Variants in NDFIP2 observed in about 807,000 individuals in gnomAD.
NDFIP2 encodes the protein NEDD4 family-interacting protein 2.
A neutral mutation model predicts 36.0 loss-of-function variants in NDFIP2; 19 were observed. The observed-to-expected ratio is 0.53, with a 90% confidence interval of 0.37 to 0.77. The LOEUF (loss-of-function observed/expected upper bound fraction) is 0.77, where lower values mean the gene tolerates loss of function less well. NDFIP2 is among the 30% of genes least tolerant of loss of function. The probability of loss-of-function intolerance (pLI) is 0.00; values close to 1 mark genes in which losing one functional copy is unlikely to be tolerated. For synonymous variants in NDFIP2, 181 were observed against 167.7 expected, an observed-to-expected ratio of 1.08 and a Z score of -0.61; for missense variants, 446 against 435.8, an observed-to-expected ratio of 1.02 and a Z score of -0.21.
chr13:79,484,300 C>A (rs968991383), intron 1 of NDFIP2, among the ~76,000 whole-genome samples: 31 of 152,138 alleles, frequency 2.0e-4, no homozygotes, highest in Admixed American at 1.9e-3. Flanking sequence ...CAGGTGTGAG[C>A]CACAGAGCCC....
chr13:79,497,593 C>T (rs144585888), intron 1 of NDFIP2, among the ~76,000 whole-genome samples: 3 of 148,822 alleles, frequency 2.0e-5, no homozygotes, highest in Non-Finnish European at 3.0e-5. Flanking sequence ...AGTTGCTCTC[C>T]GTTGGGAAGG....
chr13:79,496,999 A>C (rs1383007366), intron 1 of NDFIP2, among the ~76,000 whole-genome samples: 1 of 152,072 alleles, frequency 6.6e-6, no homozygotes, highest in Non-Finnish European at 1.5e-5. Flanking sequence ...GTTAACTATA[A>C]CCTGAATCAT....
intron 5 of NDFIP2, among the ~76,000 whole-genome samples, chr13:79,544,584 T>G (rs1225847880): frequency 6.6e-6 from 1 of 152,008 alleles, no homozygotes; most frequent in Non-Finnish European, 1.5e-5. Context: ...TACCTACACA[T>G]TTTAAATGCT....
chr13:79,545,396 C>T (rs1462800112), intron 5 of NDFIP2, among the ~76,000 whole-genome samples: 3 of 152,128 alleles, frequency 2.0e-5, no homozygotes, highest in Non-Finnish European at 4.4e-5. Flanking sequence ...AACTTAAATT[C>T]AAAGACTAGA....
intron 2 of NDFIP2, among the ~76,000 whole-genome samples, chr13:79,523,784 T>C (rs569292639): frequency 6.6e-6 from 1 of 152,344 alleles, no homozygotes; most frequent in Non-Finnish European, 1.5e-5. Context: ...CTACTATTGA[T>C]CTTCTGATGA....
intron 1 of NDFIP2, among the ~76,000 whole-genome samples, chr13:79,493,266 T>A (rs1029866504): frequency 8.5e-5 from 13 of 152,236 alleles, no homozygotes; most frequent in Admixed American, 6.5e-4. Flanking sequence ...TTATTATGTT[T>A]ATAAAGTGAT....
intron 2 of NDFIP2, among the ~76,000 whole-genome samples, chr13:79,529,936 G>C (rs1874946202): frequency 6.6e-6 from 1 of 152,180 alleles, no homozygotes; most frequent in Non-Finnish European, 1.5e-5. Context: ...GCATACAAAA[G>C]TTATGTTTAC....
chr13:79,541,541 T>A (rs980656252), intron 4 of NDFIP2, among the ~76,000 whole-genome samples: 5 of 152,020 alleles, frequency 3.3e-5, no homozygotes, highest in African/African-American at 1.2e-4. Flanking sequence ...TTTATATTTT[T>A]ACCTGTATTT....
intron 1 of NDFIP2, among the ~76,000 whole-genome samples, chr13:79,499,398 A>G (rs1209265478): frequency 6.6e-6 from 1 of 151,982 alleles, no homozygotes; most frequent in East Asian, 1.9e-4. Flanking sequence ...CAAGGAAGGA[A>G]ATAAAAGTTA....
intron 5 of NDFIP2, among the ~76,000 whole-genome samples, chr13:79,546,973 A>G (rs1296089181): frequency 6.6e-6 from 1 of 152,064 alleles, no homozygotes; most frequent in Non-Finnish European, 1.5e-5. Flanking sequence ...TATATTTTAA[A>G]GATGTAGGTG....
At position 79,505,836 on chromosome 13, in the gene NDFIP2, G is replaced by T. The variant is rs114939156; in HGVS notation, c.322-14974G>T. Among the ~76,000 whole-genome samples, 625 of 151,760 alleles carry T rather than the reference G, an allele frequency of 4.1e-3. 7 individuals carry two copies. The highest frequency in any genetic ancestry group is 0.015 in the African/African-American group (601 of 41,418). ...ATGAATCATTGTAACCTCTAAACTG[G>T]GTTTCATTAGAAAATCATCACCTTA... is the stretch of plus-strand genomic sequence containing the variant. On this transcript the variant is annotated intron_variant, in intron 1 of 7. Coordinates refer to ENST00000218652, the MANE Select transcript of NDFIP2 (RefSeq NM_019080.3).
chr13:79,512,651 G>A (rs1298499670), intron 1 of NDFIP2, among the ~76,000 whole-genome samples: 1 of 152,174 alleles, frequency 6.6e-6, no homozygotes, highest in Non-Finnish European at 1.5e-5. Context: ...GATGCAGATT[G>A]TAGCCTCAGA....
chr13:79,534,256 A>G (rs1312797373), intron 3 of NDFIP2, among the ~76,000 whole-genome samples: 1 of 151,214 alleles, frequency 6.6e-6, no homozygotes, highest in Non-Finnish European at 1.5e-5. Context: ...ATGTTTCTAT[A>G]TTAGCATAGC....
At chr13:79,534,912 C>T (rs944284902) in intron 3 of NDFIP2, among the ~76,000 whole-genome samples, 1 of 152,124 alleles carries the variant, frequency 6.6e-6, no homozygotes, top group Non-Finnish European at 1.5e-5. Context: ...CAGGGTTAAA[C>T]GTCAACATAA....
chr13:79,537,950 T>C (rs1445913872), intron 3 of NDFIP2, among the ~76,000 whole-genome samples: 1 of 150,798 alleles, frequency 6.6e-6, no homozygotes, highest in Non-Finnish European at 1.5e-5. Flanking sequence ...ATAGGAAGCA[T>C]AGCAGCTTCT....
chr13:79,507,033 C>G (rs978357113), intron 1 of NDFIP2, among the ~76,000 whole-genome samples: 5 of 151,996 alleles, frequency 3.3e-5, no homozygotes, highest in African/African-American at 9.7e-5. Context: ...TATGAAATCC[C>G]TGCCATGAAA....
At chr13:79,528,196 G>A (rs944847265) in intron 2 of NDFIP2, among the ~76,000 whole-genome samples, 1 of 152,014 alleles carries the variant, frequency 6.6e-6, no homozygotes, top group South Asian at 2.1e-4. Flanking sequence ...GGAAGTTGAG[G>A]CTGAAGTGAG....
At chr13:79,551,920 TACTTA>T (rs1409227434) in intron 7 of NDFIP2, among the ~76,000 whole-genome samples, 1 of 151,392 alleles carries the variant, frequency 6.6e-6, no homozygotes, top group African/African-American at 2.4e-5. Flanking sequence ...TGTCTACTAG[TACTTA>T]ACTTCTGAAT....
At chr13:79,534,364 T>TG (rs1875144907) in intron 3 of NDFIP2, among the ~76,000 whole-genome samples, 1 of 149,318 alleles carries the variant, frequency 6.7e-6, no homozygotes, top group African/African-American at 2.5e-5. Flanking sequence ...TTTTTTTTTT[T>TG]TTTTTTTTTG....
Sources: gnomAD v4.1 joint callset for allele counts (sites outside exome capture counted in the v4.1 genomes callset) on GRCh38, gnomAD v4.1.1 for gene constraint, MANE v1.5 for transcripts, NCBI Gene and HGNC (gene_info 2026-07-23, HGNC 2026-07-21) for gene names.